KCNK9: variants seen among roughly 807,000 people sequenced by gnomAD.
KCNK9 encodes potassium two pore domain channel subfamily K member 9.
In KCNK9, 1 loss-of-function variant was observed where a neutral mutation model predicts 10.8. That is an observed-to-expected ratio of 0.09 (90% confidence interval 0.03 to 0.44). KCNK9 has a LOEUF of 0.44. Ranked by LOEUF, KCNK9 falls within the 20% of genes least tolerant of loss-of-function variation. KCNK9 has a pLI of 0.97. For synonymous variants in KCNK9, 231 were observed against 222.7 expected (o/e 1.04, Z -0.33); for missense variants, 303 against 515.0 (o/e 0.59, Z 3.98).
intron 2 of KCNK9, among the ~76,000 whole-genome samples, chr8:139,605,356 A>G (rs1817462653): frequency 6.6e-6 from 1 of 152,214 alleles, no homozygotes; most frequent in African/African-American, 2.4e-5. Flanking sequence ...CCTGGATCCA[A>G]TTCAAGCTGC....
At chr8:139,667,627 C>T (rs990346908) in intron 1 of KCNK9, among the ~76,000 whole-genome samples, 4 of 152,058 alleles carry the variant, frequency 2.6e-5, no homozygotes, top group Admixed American at 2.0e-4. Context: ...TCCTGGGAGG[C>T]GGAGGCTGCA....
chr8:139,635,826 T>C (rs1431143200), intron 1 of KCNK9, among the ~76,000 whole-genome samples: 3 of 152,138 alleles, frequency 2.0e-5, no homozygotes, highest in Admixed American at 1.3e-4. Flanking sequence ...TGAATACCTC[T>C]CCTCTATGGC....
In KCNK9 at chr8:139,617,862, G is replaced by C; in HGVS notation, c.*396C>G. ...CACCACTAAGGGTAGGCGATTGAAG[G>C]CTGAGCGTGATGTGCAGCTTTGGGG... On this transcript the variant is annotated 3_prime_UTR_variant, in exon 2 of 2. Coordinates refer to ENST00000520439, the MANE Select transcript of KCNK9 (RefSeq NM_001282534.2). 3.3e-6 allele frequency: 1 copy of C among 298,868 alleles called. No individual in the cohort carries two copies. The highest frequency in any genetic ancestry group is 6.4e-6 in the Non-Finnish European group (1 of 155,256). 18.5% of individuals were successfully genotyped at this position (298,868 alleles called of 1,614,324 possible).
chr8:139,604,278 G>A (rs1486095178), intron 2 of KCNK9, among the ~76,000 whole-genome samples: 1 of 152,186 alleles, frequency 6.6e-6, no homozygotes, highest in Admixed American at 6.5e-5. Flanking sequence ...GCCCTGTGGG[G>A]CTCATGCTTC....
intron 1 of KCNK9, among the ~76,000 whole-genome samples, chr8:139,640,015 C>G (rs931062771): frequency 1.3e-5 from 2 of 152,170 alleles, no homozygotes; most frequent in Non-Finnish European, 2.9e-5. Flanking sequence ...TAGCCTCCAT[C>G]CACTTCCTGC....
chr8:139,697,422 C>G (rs1817089283), intron 1 of KCNK9, among the ~76,000 whole-genome samples: 1 of 147,344 alleles, frequency 6.8e-6, no homozygotes, highest in Non-Finnish European at 1.5e-5. Flanking sequence ...TGGGGATAGA[C>G]AGATGGATGG....
intron 1 of KCNK9, among the ~76,000 whole-genome samples, chr8:139,654,600 C>T (rs1815966753): frequency 6.6e-6 from 1 of 152,246 alleles, no homozygotes; most frequent in South Asian, 2.1e-4. Context: ...GCCCTCAGGC[C>T]ACAGCTGAAC....
chr8:139,669,453 T>A (rs182409020), intron 1 of KCNK9, among the ~76,000 whole-genome samples: 1 of 152,364 alleles, frequency 6.6e-6, no homozygotes, highest in Non-Finnish European at 1.5e-5. Context: ...TGTTGTCATT[T>A]AAACAATGTG....
At position 139,618,568 on chromosome 8, in the gene KCNK9, A is replaced by G. The variant is rs1814673595; in HGVS notation, c.815T>C (p.Val272Ala). Residue 272 changes from valine (V) to alanine (A), a missense_variant, in exon 2 of 2, where the codon GTC becomes GCC. Around this residue, in one of 5 missense-constraint regions of KCNK9, gnomAD observed 138 missense variants for 161.1 expected, o/e 0.86. Transcript: ENST00000520439. This position sits in a 1 kb window ranked among gnomAD's most constrained non-coding sequence, Gnocchi z 7.9. ...CCGCGGCTCCTCAGGGATGTGAATGACCATGCTGTTGCGGTTTCCGGCGAG... is the reference window on the plus strand; with the variant it reads ...CCGCGGCTCCTCAGGGATGTGAATGGCCATGCTGTTGCGGTTTCCGGCGAG... ...ASLAGNRNSM[V>A]IHIPEEPRPS... 1.6e-5 allele frequency: 26 copies of G among 1,613,672 alleles called. No individual in the cohort carries two copies. Among genetic ancestry groups the G allele is most frequent in the Non-Finnish European group, 2.1e-5 (25 of 1,179,810 alleles).
intron 1 of KCNK9, among the ~76,000 whole-genome samples, chr8:139,657,487 C>T (rs1007935548): frequency 3.9e-5 from 6 of 152,102 alleles, no homozygotes; most frequent in Admixed American, 2.0e-4. Context: ...ACAGTGAACC[C>T]TCTCTGCCTG....
intron 1 of KCNK9, among the ~76,000 whole-genome samples, chr8:139,654,947 G>A (rs1019944660): frequency 6.6e-6 from 1 of 152,176 alleles, no homozygotes; most frequent in Non-Finnish European, 1.5e-5. Flanking sequence ...TGAATGGAAA[G>A]ATGGGTGACG....
intron 1 of KCNK9, among the ~76,000 whole-genome samples, chr8:139,688,515 G>T (rs892250159): frequency 2.6e-5 from 4 of 152,180 alleles, no homozygotes; most frequent in Admixed American, 2.0e-4. Flanking sequence ...GCATGGGACT[G>T]CCCACATGAT....
At chr8:139,639,979 A>T (rs914550063) in intron 1 of KCNK9, among the ~76,000 whole-genome samples, 18 of 152,152 alleles carry the variant, frequency 1.2e-4, no homozygotes, top group African/African-American at 4.1e-4. Flanking sequence ...GCCCAGTGAC[A>T]GTGGGGGCCT....
At chr8:139,622,875 C>T (rs1814836174) in intron 1 of KCNK9, among the ~76,000 whole-genome samples, 2 of 152,308 alleles carry the variant, frequency 1.3e-5, no homozygotes, top group Middle Eastern at 6.8e-3. Flanking sequence ...AGAGTACACA[C>T]AGTGTACACT....
intron 1 of KCNK9, among the ~76,000 whole-genome samples, chr8:139,632,292 C>A (rs550079526): frequency 2.6e-5 from 4 of 152,336 alleles, no homozygotes; most frequent in African/African-American, 9.6e-5. Flanking sequence ...TGGGGTGCCC[C>A]AGGCCTTGTT....
chr8:139,626,361 C>G (rs1814975388), intron 1 of KCNK9, among the ~76,000 whole-genome samples: 1 of 152,156 alleles, frequency 6.6e-6, no homozygotes, highest in African/African-American at 2.4e-5. Flanking sequence ...GCATTACTAC[C>G]CCCATTCCTT....
intron 1 of KCNK9, among the ~76,000 whole-genome samples, chr8:139,667,650 C>T (rs531730077): frequency 2.6e-5 from 4 of 152,204 alleles, no homozygotes; most frequent in Admixed American, 2.6e-4. Context: ...GAGCCAAGAT[C>T]GTGCCACCGC....
rs933296765 is a variant in KCNK9, at chr8:139,651,763, A to T, written c.284-32664T>A. 5.9e-5 allele frequency among the ~76,000 whole-genome samples: 9 copies of T among 152,302 alleles called. No homozygotes were observed. In the South Asian group the frequency reaches 1.2e-3, roughly 21 times the overall value. On this transcript the variant is annotated intron_variant, in intron 1 of 1. Transcript: ENST00000520439. ...TCTCATGTGTTGGAGAATAGGAGGA[A>T]TCATGCTATTGCTAAAATAAAGCCA...
chr8:139,692,098 C>T (rs1816945690), intron 1 of KCNK9, among the ~76,000 whole-genome samples: 1 of 152,150 alleles, frequency 6.6e-6, no homozygotes, highest in Non-Finnish European at 1.5e-5. Context: ...GAGACACCAG[C>T]CAGAGGACAA....
Sources: allele counts gnomAD v4.1 joint callset (sites outside exome capture counted in the v4.1 genomes callset), GRCh38; gene constraint gnomAD v4.1.1; regional missense constraint gnomAD v4.1.1; non-coding constraint Gnocchi (gnomAD v3.1); transcripts MANE v1.5; gene names NCBI Gene and HGNC (gene_info 2026-07-23, HGNC 2026-07-21).